PCDHA12: variants seen among roughly 807,000 people sequenced by gnomAD.
The protein encoded by PCDHA12 is protocadherin alpha-12.
PCDHA12 carries 44 observed loss-of-function variants against 60.0 expected under a neutral mutation model. The observed-to-expected ratio is 0.73, with a 90% CI of 0.58 to 0.94. The LOEUF is 0.94. Among genes scored for constraint, PCDHA12 ranks in the 40% least tolerant of loss-of-function variants. PCDHA12 has a pLI of 0.00. For synonymous variants in PCDHA12, 569 were observed against 553.0 expected, an observed-to-expected ratio of 1.03 and a Z score of -0.40; for missense variants, 1,276 against 1,239.7, an observed-to-expected ratio of 1.03 and a Z score of -0.44.
In PCDHA12 at chr5:140,968,471, G is replaced by A. The variant is rs531821868; in HGVS notation, c.2368-10478G>A. On this transcript the variant is annotated intron_variant, in intron 1 of 3. Coordinates refer to ENST00000398631, the MANE Select transcript of PCDHA12 (RefSeq NM_018903.4). ...CAGCACTGTGACTGCCAACGTATAT[G>A]TGGTGGACATGAATGACCATGCCCC... 3.3e-5 allele frequency: 54 copies of A among 1,614,154 alleles called. No homozygotes were observed. The South Asian group carries it at 5.7e-4, about 17-fold the overall frequency.
chr5:140,897,415 A>G (rs2066090522), intron 1 of PCDHA12, among the ~76,000 whole-genome samples: 1 of 138,406 alleles, frequency 7.2e-6, no homozygotes, highest in South Asian at 2.3e-4. Context: ...TTCAATTCCC[A>G]TCTATGAGTG....
At chr5:140,995,352 C>T (rs976879377) in intron 3 of PCDHA12, among the ~76,000 whole-genome samples, 2 of 152,006 alleles carry the variant, frequency 1.3e-5, no homozygotes, top group Non-Finnish European at 2.9e-5. Context: ...ATGGATAGGT[C>T]GGACAGAGGG....
chr5:140,882,450 C>T (rs781827745), intron 1 of PCDHA12: 2 of 1,613,990 alleles, frequency 1.2e-6, no homozygotes, highest in Non-Finnish European at 1.7e-6. Flanking sequence ...GAGCTGGTGC[C>T]GCGCCTGTTC....
rs543390372 is a variant in PCDHA12 at position 140,900,669 on chromosome 5, A to G, written c.2367+22830A>G. 4.8e-4 allele frequency among the ~76,000 whole-genome samples: 73 copies of G among 152,334 alleles called. 1 individual carries two copies. The highest frequency in any genetic ancestry group is 1.5e-3 in the South Asian group (7 of 4,824). On this transcript the variant is annotated intron_variant, in intron 1 of 3. Transcript: ENST00000398631. ...CTGCTGCAATGAACAATGGGAGTGC[A>G]GTTATCTCTTCAATATACTGATTTC...
At chr5:140,956,985 A>G (rs1554222760) in intron 1 of PCDHA12, among the ~76,000 whole-genome samples, 2 of 152,224 alleles carry the variant, frequency 1.3e-5, no homozygotes, top group African/African-American at 2.4e-5. Flanking sequence ...AGTAAAATAA[A>G]TTCAAGGAAG....
Position 140,914,249 on chromosome 5 carries a change from G to T in PCDHA12, c.2367+36410G>T, listed in dbSNP as rs186578589. 2.8e-3 allele frequency among the ~76,000 whole-genome samples: 422 copies of T among 152,092 alleles called. 2 individuals carry two copies. Among genetic ancestry groups the T allele is most frequent in the Middle Eastern group, 0.014 (4 of 294 alleles). ...AATACTATTTGCTTTTTATATCTGG[G>T]TGCTTCAATGGTGGGTGCATATATA... is the stretch of plus-strand genomic sequence containing the variant. On this transcript the variant is annotated intron_variant, in intron 1 of 3. Coordinates refer to ENST00000398631, the MANE Select transcript of PCDHA12 (RefSeq NM_018903.4).
intron 1 of PCDHA12, among the ~76,000 whole-genome samples, chr5:140,941,214 C>CTTT (rs1554214039): frequency 0.031 from 3,845 of 122,336 alleles, 93 homozygotes; most frequent in South Asian, 0.048. Flanking sequence ...TTTCTTTCTT[C>CTTT]CTTTCTTTCT....
chr5:140,915,744 G>A (rs2077291791), intron 1 of PCDHA12, among the ~76,000 whole-genome samples: 1 of 151,896 alleles, frequency 6.6e-6, no homozygotes, highest in South Asian at 2.1e-4. Flanking sequence ...CAGACCTATA[G>A]CCAGCACAGC....
chr5:140,962,248 A>G (rs782618740), intron 1 of PCDHA12, among the ~76,000 whole-genome samples: 5 of 152,182 alleles, frequency 3.3e-5, no homozygotes, highest in Non-Finnish European at 5.9e-5. Context: ...ATTTTCTTCA[A>G]TGAAAAATAA....
chr5:140,925,282 T>C (rs1371569064), intron 1 of PCDHA12, among the ~76,000 whole-genome samples: 1 of 152,184 alleles, frequency 6.6e-6, no homozygotes, highest in Admixed American at 6.5e-5. Context: ...GATTTTGCCT[T>C]TCAAATGTTT....
At chr5:141,006,622 T>C (rs555577523) in intron 3 of PCDHA12, among the ~76,000 whole-genome samples, 21 of 152,132 alleles carry the variant, frequency 1.4e-4, no homozygotes, top group Non-Finnish European at 7.3e-5. Flanking sequence ...AAGGAGACTA[T>C]TGCTGCAATT....
At chr5:140,890,530 T>G (rs2062685019) in intron 1 of PCDHA12, among the ~76,000 whole-genome samples, 1 of 152,222 alleles carries the variant, frequency 6.6e-6, no homozygotes. Flanking sequence ...TTGTTGATCT[T>G]CTTTTGAAAT....
intron 3 of PCDHA12, among the ~76,000 whole-genome samples, chr5:140,984,456 C>T (rs545706582): frequency 8.5e-5 from 13 of 152,286 alleles, no homozygotes; most frequent in African/African-American, 3.1e-4. Context: ...TTCTTACTGT[C>T]CCAGCCCCTC....
rs2098421681 is a variant in PCDHA12, at chr5:141,011,735, A to C, written c.*1798A>C. 1 of 153,882 alleles carries C rather than the reference A, an allele frequency of 6.5e-6. No individual in the cohort carries two copies. Among genetic ancestry groups the C allele is most frequent in the South Asian group, 2.1e-4 (1 of 4,828 alleles). 9.5% of individuals were successfully genotyped at this position (153,882 alleles called of 1,614,324 possible). A position where few individuals can be genotyped will look rare whatever the true frequency, so the allele number is the denominator to read the frequency against. ...TATTCCATGAGGGTGTGCAAGCACA[A>C]ATTTTACCAATCTGACCTCTTTGAA... On this transcript the variant is annotated 3_prime_UTR_variant, in exon 4 of 4. Transcript: ENST00000398631.
intron 1 of PCDHA12, among the ~76,000 whole-genome samples, chr5:140,893,780 C>T (rs966071281): frequency 4.6e-5 from 7 of 151,980 alleles, no homozygotes; most frequent in Admixed American, 6.6e-5. Context: ...TTTCTTTTAC[C>T]GTTTTTAGAA....
chr5:140,947,872 T>C (rs2094186307), intron 1 of PCDHA12, among the ~76,000 whole-genome samples: 1 of 151,588 alleles, frequency 6.6e-6, no homozygotes, highest in Admixed American at 6.6e-5. Context: ...GGCTAGGACT[T>C]CCAGGACAAT....
rs1554263792 is a variant in PCDHA12 at position 141,012,059 on chromosome 5, C to T, written c.*2122C>T. 1 of 153,718 alleles carries T rather than the reference C, an allele frequency of 6.5e-6. No individual in the cohort carries two copies. The highest frequency in any genetic ancestry group is 1.5e-5 in the Non-Finnish European group (1 of 68,036). The allele number at this position is 153,718 out of a possible 1,614,324, so 9.5% of individuals were successfully genotyped here. A position where few individuals can be genotyped will look rare whatever the true frequency, so the allele number is the denominator to read the frequency against. ...TGCATGGGGTAAAACTTGTTACCAA[C>T]ACATGTGAACCATTGCTACATTGTA... On this transcript the variant is annotated 3_prime_UTR_variant, in exon 4 of 4. Transcript: ENST00000398631.
chr5:140,876,342 A>C lies in PCDHA12; in HGVS notation c.870A>C (p.Lys290Asn). ...GIKMILPVSE[K>N]CMFSINPDTG... ...AAATGATTTTGCCAGTGAGTGAGAA[A>C]TGTATGTTTTCAATAAATCCAGACA... The change falls in exon 1 of 4, where the codon AAA becomes AAC. Residue 290 changes from lysine to asparagine, a missense_variant. Transcript: ENST00000398631. 6.2e-7 allele frequency: 1 copy of C among 1,614,042 alleles called. No homozygotes were observed. Among genetic ancestry groups the C allele is most frequent in the Non-Finnish European group, 8.5e-7 (1 of 1,179,906 alleles).
chr5:140,981,024 A>G (rs2096915063), intron 2 of PCDHA12, among the ~76,000 whole-genome samples: 2 of 152,112 alleles, frequency 1.3e-5, no homozygotes, highest in Admixed American at 6.5e-5. Flanking sequence ...AAGGCTGTTA[A>G]TATTTGGGGA....
Sources: allele counts gnomAD v4.1 joint callset (sites outside exome capture counted in the v4.1 genomes callset), GRCh38; gene constraint gnomAD v4.1.1; transcripts MANE v1.5; gene names NCBI Gene and HGNC (gene_info 2026-07-23, HGNC 2026-07-21).